The following ANKRD50 variants were observed in gnomAD, a reference collection of about 807,000 sequenced individuals.
The protein encoded by ANKRD50 is ankyrin repeat domain-containing protein 50.
In ANKRD50, 40 loss-of-function variants were observed where a neutral mutation model predicts 112.0. The observed-to-expected ratio is 0.36, with a 90% confidence interval of 0.28 to 0.46. The LOEUF is 0.46. Ranked by LOEUF, ANKRD50 falls within the 20% of genes least tolerant of loss-of-function variation. ANKRD50 has a pLI of 1.00. For synonymous variants in ANKRD50, 613 were observed against 619.1 expected, an observed-to-expected ratio of 0.99 and a Z score of 0.15; for missense variants, 1,487 against 1,701.7, an observed-to-expected ratio of 0.87 and a Z score of 2.22.
chr4:124,710,489 T>C lies in ANKRD50; in HGVS notation c.23A>G (p.Lys8Arg). 6.2e-7 allele frequency: 1 copy of C among 1,612,850 alleles called. No homozygotes were observed. The highest frequency in any genetic ancestry group is 2.2e-5 in the East Asian group (1 of 44,882). The change falls in exon 2 of 5, where the codon AAA (lysine) becomes AGA (arginine). Residue 8 changes from lysine to arginine, a missense_variant. This residue lies in a region of ANKRD50 where 1,046 missense variants were observed against 1,269.5 expected (regional missense o/e 0.82). Transcript: ENST00000504087. The part of the protein sequence containing the change: MTNPWEE[K>R]VCKMAQTSLL... ...ACTGGTTTGAGCCATTTTGCAGACT[T>C]TCTCTTCCCAAGGATTAGTCATAAC...
At chr4:124,697,549 CTT>C (rs1318371351) in intron 2 of ANKRD50, among the ~76,000 whole-genome samples, 1 of 152,120 alleles carries the variant, frequency 6.6e-6, no homozygotes, top group Non-Finnish European at 1.5e-5. Context: ...TGTGAGGTCT[CTT>C]TGCATGTGCC....
rs1725610055 is a variant in ANKRD50 at position 124,710,685 on chromosome 4, T to C, written c.-174A>G. Reference sequence around the variant, plus strand: ...ACAGAACGTGCATGACTTTATTTGGTTCCTTATTCTTGATCAGCAGTCTAT... The same window carrying C: ...ACAGAACGTGCATGACTTTATTTGGCTCCTTATTCTTGATCAGCAGTCTAT... On this transcript the variant is annotated 5_prime_UTR_variant, in exon 2 of 5. Transcript: ENST00000504087. 1 of 758,612 alleles carries C rather than the reference T, an allele frequency of 1.3e-6. No individual in the cohort carries two copies. The highest frequency in any genetic ancestry group is 2.8e-5 in the Admixed American group (1 of 35,672). 47.0% of individuals were successfully genotyped at this position (758,612 alleles called of 1,614,324 possible). A position where few individuals can be genotyped will look rare whatever the true frequency, so the allele number is the denominator to read the frequency against.
intron 4 of ANKRD50, 99 bp downstream of exon 4, chr4:124,668,885 A>C (rs1730559725): frequency 9.0e-7 from 1 of 1,113,600 alleles, no homozygotes; most frequent in Admixed American, 2.8e-5. Flanking sequence ...CTGAGTAGAG[A>C]TTAACTGAGG....
chr4:124,691,498 CAAAAAA>C (rs71583369), intron 2 of ANKRD50, among the ~76,000 whole-genome samples: 9 of 59,770 alleles, frequency 1.5e-4, no homozygotes, highest in East Asian at 1.3e-3. Context: ...GACTCCGTCT[CAAAAAA>C]AAAAAAAAAA....
At chr4:124,700,482 A>G (rs1236195292) in intron 2 of ANKRD50, among the ~76,000 whole-genome samples, 1 of 152,218 alleles carries the variant, frequency 6.6e-6, no homozygotes, top group Middle Eastern at 3.2e-3. Context: ...TGGGAGTAGT[A>G]GTGATAGAGA....
chr4:124,672,459 C>G lies in ANKRD50; in HGVS notation c.818G>C (p.Arg273Pro), dbSNP rs768380221. ...TCGCAAAGCTTCTTCTTGATCTAAA[C>G]GATGAAGAATGTACTGCTGAACATC... ...VKDVQQYILHRLDQEEALRQH... is the reference protein window; with the variant it reads ...VKDVQQYILHPLDQEEALRQH... Residue 273 changes from arginine to proline, a missense_variant, in exon 4 of 5, where the codon CGT becomes CCT. Coordinates refer to ENST00000504087, the MANE Select transcript of ANKRD50 (RefSeq NM_020337.3). The G allele has an allele frequency of 6.2e-7, 1 of 1,611,936 alleles. No homozygotes were observed. The highest frequency in any genetic ancestry group is 8.5e-7 in the Non-Finnish European group (1 of 1,179,080).
intron 2 of ANKRD50, among the ~76,000 whole-genome samples, chr4:124,696,688 G>A (rs1725261289): frequency 6.6e-6 from 1 of 151,594 alleles, no homozygotes; most frequent in South Asian, 2.1e-4. Context: ...AAATTAAAAA[G>A]GTTTGAAAAA....
rs1725592072 is a variant in ANKRD50 at position 124,709,996 on chromosome 4, T to A, written c.512+4A>T. ...TCTGAACACCATGACATTTTTATTG[T>A]TACCTTTTAAATGCTTCGGCTGGGT... On this transcript the variant is annotated splice_donor_region_variant and intron_variant, in intron 2 of 4. Transcript: ENST00000504087. 1 of 1,596,292 alleles carries A rather than the reference T, an allele frequency of 6.3e-7. No individual in the cohort carries two copies. The highest frequency in any genetic ancestry group is 8.5e-7 in the Non-Finnish European group (1 of 1,169,610).
chr4:124,669,830 C>G lies in ANKRD50; in HGVS notation c.3447G>C (p.Ser1149=). 3 of 1,612,716 alleles carry G rather than the reference C, an allele frequency of 1.9e-6. No individual in the cohort carries two copies. Among genetic ancestry groups the G allele is most frequent in the Non-Finnish European group, 2.5e-6 (3 of 1,179,606 alleles). The part of the protein sequence containing the change: ...GSTGGGDMQP[S]LRGLPNGPTH... ...TAGGCCCATTAGGTAAACCACGTAACGAAGGCTGCATATCCCCTCCACCAG... is the reference window on the plus strand; with the variant it reads ...TAGGCCCATTAGGTAAACCACGTAAGGAAGGCTGCATATCCCCTCCACCAG... The change falls in exon 4 of 5, where the codon TCG becomes TCC. Residue 1149 remains serine (S), a synonymous_variant. Transcript: ENST00000504087.
At chr4:124,705,853 A>T (rs993977020) in intron 2 of ANKRD50, among the ~76,000 whole-genome samples, 1 of 152,226 alleles carries the variant, frequency 6.6e-6, no homozygotes, top group Admixed American at 6.5e-5. Context: ...GAATTAAAGA[A>T]ATCAGCCTTT....
chr4:124,673,671 G>C (rs1730710647), intron 3 of ANKRD50, among the ~76,000 whole-genome samples: 1 of 152,100 alleles, frequency 6.6e-6, no homozygotes, highest in African/African-American at 2.4e-5. Flanking sequence ...CTGCCAACAG[G>C]ACTGAAAAAG....
At chr4:124,693,803 T>A (rs935838112) in intron 2 of ANKRD50, among the ~76,000 whole-genome samples, 1 of 152,162 alleles carries the variant, frequency 6.6e-6, no homozygotes, top group Non-Finnish European at 1.5e-5. Context: ...TACGTTTTGA[T>A]GATAATTTCA....
At chr4:124,689,443 C>G (rs1226595854) in intron 2 of ANKRD50, among the ~76,000 whole-genome samples, 1 of 152,172 alleles carries the variant, frequency 6.6e-6, no homozygotes, top group African/African-American at 2.4e-5. Context: ...GCAGGTATGT[C>G]TGTGAGGGTG....
rs1458676196 is a variant in ANKRD50, at chr4:124,682,892, C to G, written c.513-3987G>C. On this transcript the variant is annotated intron_variant, in intron 2 of 4. Transcript: ENST00000504087. ...ACTTAATGTAGTTGTTAATAGGGTA[C>G]AGTTTAAATCTATCATGTTTTTGTC... is the stretch of plus-strand genomic sequence containing the variant. Among the ~76,000 whole-genome samples, 3 of 151,904 alleles carry G rather than the reference C, an allele frequency of 2.0e-5. No individual in the cohort carries two copies. The South Asian group carries it at 6.2e-4, about 32-fold the overall frequency.
chr4:124,688,248 G>A (rs1010215555), intron 2 of ANKRD50, among the ~76,000 whole-genome samples: 10 of 152,142 alleles, frequency 6.6e-5, no homozygotes, highest in African/African-American at 2.4e-4. Flanking sequence ...AATTTTCTAA[G>A]TTAAAGAGCC....
intron 2 of ANKRD50, among the ~76,000 whole-genome samples, chr4:124,691,349 G>GGGCGCGGTGGCA (rs1725131925): frequency 6.7e-6 from 1 of 150,114 alleles, no homozygotes; most frequent in Non-Finnish European, 1.5e-5. Context: ...AAAATTAGCC[G>GGGCGCGGTGGCA]GGCGCGGTGG....
At chr4:124,679,657 T>C (rs1394328033) in intron 2 of ANKRD50, among the ~76,000 whole-genome samples, 2 of 152,216 alleles carry the variant, frequency 1.3e-5, no homozygotes. Flanking sequence ...GAAGAGGACA[T>C]AATCCATCCA....
In ANKRD50 at chr4:124,670,763, T is replaced by G; in HGVS notation, c.2514A>C (p.Leu838Phe). Reference sequence around the variant, plus strand: ...CAGCATCATCTCTGTGATTTTCATCTAACCCTCTATCCAGTAGAGTACGTA... The same window carrying G: ...CAGCATCATCTCTGTGATTTTCATCGAACCCTCTATCCAGTAGAGTACGTA... ...EVVRTLLDRG[L>F]DENHRDDAGW... Residue 838 changes from leucine to phenylalanine, a missense_variant, in exon 4 of 5, where the codon TTA (leucine) becomes TTC (phenylalanine). Coordinates refer to ENST00000504087, the MANE Select transcript of ANKRD50 (RefSeq NM_020337.3). The G allele has an allele frequency of 1.2e-6, 2 of 1,613,888 alleles. No homozygotes were observed. The highest frequency in any genetic ancestry group is 1.7e-6 in the Non-Finnish European group (2 of 1,179,876).
intron 4 of ANKRD50, among the ~76,000 whole-genome samples, chr4:124,667,804 AC>A (rs1292871797): frequency 6.6e-6 from 1 of 151,968 alleles, no homozygotes; most frequent in Non-Finnish European, 1.5e-5. Flanking sequence ...TATTTTAAAA[AC>A]GAATTGCATT....
Sources: gnomAD v4.1 joint callset for allele counts (sites outside exome capture counted in the v4.1 genomes callset) on GRCh38, gnomAD v4.1.1 for gene constraint, gnomAD v4.1.1 regional missense constraint, MANE v1.5 for transcripts, NCBI Gene and HGNC (gene_info 2026-07-23, HGNC 2026-07-21) for gene names.